The following MSTO1 variants were observed in gnomAD, a reference collection of about 807,000 sequenced individuals.
MSTO1 encodes misato mitochondrial distribution and morphology regulator 1.
Under a neutral mutation model 55.7 loss-of-function variants are expected in MSTO1, and 24 were observed. The ratio of observed to expected loss-of-function variants is 0.43; its 90% CI spans 0.31 to 0.61. The LOEUF (loss-of-function observed/expected upper bound fraction) is 0.61. MSTO1 is among the 20% of genes least tolerant of loss of function. MSTO1 has a pLI of 0.09. For synonymous variants in MSTO1, 162 were observed against 252.8 expected (o/e 0.64, Z 3.41); for missense variants, 363 against 625.7 (o/e 0.58, Z 4.48).
At chr1:155,579,359 C>A in the MSTO1 span, among the ~76,000 whole-genome samples, 7 of 151,666 alleles carry the variant, frequency 4.6e-5, no homozygotes, top group Non-Finnish European at 7.4e-5. Context: ...ACAAAAAACC[C>A]AAGAGGAAGA....
Position 155,612,423 on chromosome 1 carries a change from C to A in MSTO1, c.819C>A (p.Ala273=). ...AACTACTCTTTCTTCACCAGGAGGC[C>A]CAGAGAAACATCTATCGTCTATTAA... ...LLPGPYHRGE[A]QRNIYRLLNT... Residue 273 remains alanine (A), a synonymous_variant, in exon 9 of 14, where the codon GCC becomes GCA. Transcript: ENST00000245564. 1.2e-6 allele frequency: 2 copies of A among 1,610,996 alleles called. No individual in the cohort carries two copies. The highest frequency in any genetic ancestry group is 2.2e-5 in the East Asian group (1 of 44,846).
At position 155,614,866 on chromosome 1, in the gene MSTO1, G is replaced by C. The variant is rs61732802; in HGVS notation, c.*593G>C. The C allele has an allele frequency of 9.9e-3, 15,563 of 1,567,684 alleles. 120 individuals are homozygous for C. The highest frequency in any genetic ancestry group is 0.015 in the Middle Eastern group (91 of 6,004). On this transcript the variant is annotated 3_prime_UTR_variant, in exon 14 of 14. Transcript: ENST00000245564. Reference sequence around the variant, plus strand: ...CTGCATGAGTTCTCGAAAATGGTGGGAAACCTAAGAAAGGAGGAGGGCTGT... The same window carrying C: ...CTGCATGAGTTCTCGAAAATGGTGGCAAACCTAAGAAAGGAGGAGGGCTGT...
At chr1:155,588,542 C>T in the MSTO1 span, among the ~76,000 whole-genome samples, 1 of 152,064 alleles carries the variant, frequency 6.6e-6, no homozygotes, top group Admixed American at 6.6e-5. Flanking sequence ...GGTAACTTAC[C>T]TGAGGAAATA....
At chr1:155,563,866 T>C in the MSTO1 span, 44 of 317,752 alleles carry the variant, frequency 1.4e-4, no homozygotes, top group Admixed American at 9.3e-5. Context: ...TTTACAGTTC[T>C]GTTGATGTCG....
chr1:155,614,582 C>G lies in MSTO1; in HGVS notation c.*309C>G, dbSNP rs1435019687. 1 of 629,974 alleles carries G rather than the reference C, an allele frequency of 1.6e-6. No homozygotes were observed. The highest frequency in any genetic ancestry group is 2.7e-5 in the East Asian group (1 of 36,516). The allele number at this position is 629,974 out of a possible 1,614,324, so 39.0% of individuals were successfully genotyped here. On this transcript the variant is annotated 3_prime_UTR_variant, in exon 14 of 14. Transcript: ENST00000245564. ...CCCTGGGTCCTACTCCATCCTCCAG[C>G]CTTTGTCCTTGTCCTGGCCTCCTGC...
At chr1:155,599,297 GA>G in the MSTO1 span, among the ~76,000 whole-genome samples, 1 of 152,200 alleles carries the variant, frequency 6.6e-6, no homozygotes, top group East Asian at 1.9e-4. Context: ...TCAATGTGAT[GA>G]AAGGAAATTG....
At chr1:155,590,824 A>G in the MSTO1 span, 3 of 1,607,528 alleles carry the variant, frequency 1.9e-6, no homozygotes, top group Non-Finnish European at 2.6e-6. Context: ...GGGGTTATAG[A>G]AGTCCCAGAT....
At chr1:155,563,297 C>A in the MSTO1 span, 1 of 455,984 alleles carries the variant, frequency 2.2e-6, no homozygotes, top group Non-Finnish European at 4.4e-6. Flanking sequence ...GTGTGCCGGT[C>A]GCCTAGTCAG....
chr1:155,600,894 T>A, the MSTO1 span, among the ~76,000 whole-genome samples: 1 of 151,468 alleles, frequency 6.6e-6, no homozygotes, highest in Non-Finnish European at 1.5e-5. Flanking sequence ...GCCAGTATGG[T>A]CTCGATCTCC....
chr1:155,587,439 C>CAAAAA, the MSTO1 span, among the ~76,000 whole-genome samples: 20 of 52,656 alleles, frequency 3.8e-4, no homozygotes, highest in Admixed American at 1.4e-3. Context: ...GACTACGTCT[C>CAAAAA]AAAAAAAAAA....
At chr1:155,602,130 G>A in the MSTO1 span, 6 of 709,436 alleles carry the variant, frequency 8.5e-6, no homozygotes, top group Admixed American at 1.8e-5. Flanking sequence ...AACAAACAGC[G>A]CTTTGATCAA....
chr1:155,577,468 G>A, the MSTO1 span, among the ~76,000 whole-genome samples: 1 of 152,146 alleles, frequency 6.6e-6, no homozygotes, highest in Non-Finnish European at 1.5e-5. Context: ...TATAATGTAA[G>A]GTAGGGGTCC....
the MSTO1 span, among the ~76,000 whole-genome samples, chr1:155,577,335 G>C: frequency 6.6e-6 from 1 of 151,948 alleles, no homozygotes; most frequent in South Asian, 2.1e-4. Context: ...TGATCCACCC[G>C]CCTCGGCCTC....
In MSTO1 at chr1:155,611,540, C is replaced by T; in HGVS notation, c.367-9C>T. On this transcript the variant is annotated splice_polypyrimidine_tract_variant and intron_variant, in intron 4 of 13. Transcript: ENST00000245564. ...GGAACTAAATGTCGATTTTTCTGAC[C>T]CCTCCCAGGGAGTGCTGAGTAGTGA... 1.2e-6 allele frequency: 2 copies of T among 1,611,840 alleles called. No individual in the cohort carries two copies. The highest frequency in any genetic ancestry group is 1.7e-6 in the Non-Finnish European group (2 of 1,179,194).
chr1:155,570,701 T>C, the MSTO1 span, among the ~76,000 whole-genome samples: 1 of 152,176 alleles, frequency 6.6e-6, no homozygotes, highest in Non-Finnish European at 1.5e-5. Context: ...TGCTGTTCAT[T>C]TGTTACTGTG....
chr1:155,591,155 G>T, the MSTO1 span: 1 of 1,613,400 alleles, frequency 6.2e-7, no homozygotes, highest in Non-Finnish European at 8.5e-7. Context: ...TGCTGTTGCC[G>T]ATGAAAGTGG....
chr1:155,598,703 C>A, the MSTO1 span: 1 of 451,906 alleles, frequency 2.2e-6, no homozygotes, highest in South Asian at 2.4e-5. Flanking sequence ...GCCTGGAGAA[C>A]AGAGCGAGAC....
the MSTO1 span, among the ~76,000 whole-genome samples, chr1:155,584,686 A>AG: frequency 3.4e-5 from 5 of 146,282 alleles, no homozygotes; most frequent in African/African-American, 1.3e-4. Flanking sequence ...AAAAAAAAAA[A>AG]AAAAAAAAGA....
At chr1:155,584,691 AAAAG>A in the MSTO1 span, among the ~76,000 whole-genome samples, 1 of 75,570 alleles carries the variant, frequency 1.3e-5, no homozygotes, top group African/African-American at 4.9e-5. Context: ...AAAAAAAAAA[AAAAG>A]AAAGAAAGAG....
Sources: gnomAD v4.1 joint callset for allele counts (sites outside exome capture counted in the v4.1 genomes callset) on GRCh38, gnomAD v4.1.1 for gene constraint, MANE v1.5 for transcripts, NCBI Gene and HGNC (gene_info 2026-07-23, HGNC 2026-07-21) for gene names.